Variants in ANKRD46 observed in about 807,000 individuals in gnomAD.
ANKRD46 encodes ankyrin repeat domain-containing protein 46.
ANKRD46 carries 13 observed loss-of-function variants against 19.8 expected under a neutral mutation model. The observed-to-expected ratio is 0.66, with a 90% CI of 0.43 to 1.04. The LOEUF (loss-of-function observed/expected upper bound fraction) is 1.04. Among genes scored for constraint, ANKRD46 ranks in the 50% least tolerant of loss-of-function variants. The pLI, the probability that ANKRD46 is intolerant of heterozygous loss-of-function variation, is 0.00. For missense variants in ANKRD46, 185 were observed against 274.8 expected (o/e 0.67, Z 2.31); for synonymous variants, 91 against 106.9 (o/e 0.85, Z 0.92).
intron 2 of ANKRD46, among the ~76,000 whole-genome samples, chr8:100,531,257 C>T (rs1286623270): frequency 6.6e-6 from 1 of 152,222 alleles, no homozygotes. Context: ...AAAGCTTAGT[C>T]ACATATGGAC....
Position 100,546,743 on chromosome 8 carries a change from A to G in ANKRD46, c.-131+12968T>C, listed in dbSNP as rs1812280573. ...CTTGCACCATGCATCTGGAAAAGCC[A>G]CAAGCATTTAATGCCAGCCCATGAA... On this transcript the variant is annotated intron_variant, in intron 1 of 4. Transcript: ENST00000335659. This position sits in a 1 kb window ranked among gnomAD's most constrained non-coding sequence, Gnocchi z 4.0. 6.6e-6 allele frequency among the ~76,000 whole-genome samples: 1 copy of G among 152,232 alleles called. No individual in the cohort carries two copies. Among genetic ancestry groups the G allele is most frequent in the Non-Finnish European group, 1.5e-5 (1 of 68,044 alleles).
intron 1 of ANKRD46, among the ~76,000 whole-genome samples, chr8:100,539,494 T>C (rs1235770639): frequency 6.6e-6 from 1 of 152,220 alleles, no homozygotes; most frequent in Non-Finnish European, 1.5e-5. Flanking sequence ...ATAACAGAAG[T>C]TCAAATTTTT....
chr8:100,510,382 CT>C lies in ANKRD46; in HGVS notation c.*194del, dbSNP rs1811531216. ...GCCAGGAAGACAGCAGGTGCCCGGG[CT>C]GCCTGCAGGGCAGGACTGGAGAGGA... On this transcript the variant is annotated 3_prime_UTR_variant, in exon 6 of 6. Coordinates refer to the ANKRD46 transcript ENST00000520552. The surrounding 1 kb of genome is among the most constrained non-coding windows in gnomAD (Gnocchi z 4.9). 4.5e-6 allele frequency: 2 copies of C among 445,228 alleles called. No individual in the cohort carries two copies. Among genetic ancestry groups the C allele is most frequent in the African/African-American group, 4.0e-5 (2 of 49,974 alleles). 27.6% of individuals were successfully genotyped at this position (445,228 alleles called of 1,614,324 possible). A position where few individuals can be genotyped will look rare whatever the true frequency, so the allele number is the denominator to read the frequency against.
In ANKRD46 at chr8:100,557,454, G is replaced by A. The variant is rs909921365; in HGVS notation, c.-131+2257C>T. Among the ~76,000 whole-genome samples, 2 of 152,156 alleles carry A rather than the reference G, an allele frequency of 1.3e-5. No homozygotes were observed. The highest frequency in any genetic ancestry group is 4.8e-5 in the African/African-American group (2 of 41,424). ...ACCATTCTCTCTGGCTTCAATTACT[G>A]CATCAACCTAACAGGTCTCCCTGCT... On this transcript the variant is annotated intron_variant, in intron 1 of 4. Transcript: ENST00000335659. The surrounding 1 kb of genome is among the most constrained non-coding windows in gnomAD (Gnocchi z 5.9).
Position 100,544,477 on chromosome 8 carries a change from A to G in ANKRD46, c.-130-11166T>C, listed in dbSNP as rs1348142852. Among the ~76,000 whole-genome samples, 2 of 152,240 alleles carry G rather than the reference A, an allele frequency of 1.3e-5. No individual in the cohort carries two copies. Among genetic ancestry groups the G allele is most frequent in the Non-Finnish European group, 2.9e-5 (2 of 68,048 alleles). On this transcript the variant is annotated intron_variant, in intron 1 of 4. Transcript: ENST00000335659. The surrounding 1 kb of genome is among the most constrained non-coding windows in gnomAD (Gnocchi z 4.4). ...ACTCTAGACAAGGCTGAAGCAAGGAAAAACAATCAAGTGATCTTAAGTGAT... is the reference window on the plus strand; with the variant it reads ...ACTCTAGACAAGGCTGAAGCAAGGAGAAACAATCAAGTGATCTTAAGTGAT...
intron 1 of ANKRD46, chr8:100,551,211 G>A (rs1402387970): frequency 4.4e-6 from 2 of 453,176 alleles, no homozygotes; most frequent in South Asian, 1.9e-5. Context: ...CTTCCACAAT[G>A]CCAAAGTTGT....
chr8:100,522,092 ATC>A lies in ANKRD46; in HGVS notation c.*461_*462del, dbSNP rs1471441981. ...ATTTGAAAAAAGTACTTCAAGTTTT[ATC>A]TCTTATCCCTAGAGAAAGTAAATAA... On this transcript the variant is annotated 3_prime_UTR_variant, in exon 5 of 5. Coordinates refer to ENST00000335659, the MANE Select transcript of ANKRD46 (RefSeq NM_001270377.2). 3.0e-6 allele frequency: 3 copies of A among 987,404 alleles called. No individual in the cohort carries two copies. In the Admixed American group the frequency reaches 1.8e-4, roughly 59 times the overall value. 61.2% of individuals were successfully genotyped at this position (987,404 alleles called of 1,614,324 possible).
At position 100,529,726 on chromosome 8, in the gene ANKRD46, A is replaced by G; in HGVS notation, c.108T>C (p.Phe36=). 2 of 1,614,262 alleles carry G rather than the reference A, an allele frequency of 1.2e-6. No homozygotes were observed. Among genetic ancestry groups the G allele is most frequent in the Non-Finnish European group, 1.7e-6 (2 of 1,180,052 alleles). Residue 36 remains phenylalanine, a synonymous_variant, in exon 3 of 5, where the codon TTT becomes TTC. Coordinates refer to ENST00000335659, the MANE Select transcript of ANKRD46 (RefSeq NM_001270377.2). The surrounding 1 kb of genome is among the most constrained non-coding windows in gnomAD (Gnocchi z 5.8). The part of the protein sequence containing the change: ...NYSKRLLESG[F]DPNIRDSRGR... The stretch of plus-strand genomic sequence containing the variant: ...CCCTGCTGTCACGAATATTTGGGTC[A>G]AAGCCACTTTCCAAAAGCCGCTTGG...
chr8:100,552,305 C>A (rs1359688876), intron 1 of ANKRD46, among the ~76,000 whole-genome samples: 2 of 151,848 alleles, frequency 1.3e-5, no homozygotes, highest in East Asian at 3.8e-4. Context: ...AAAACAGCTA[C>A]AGCCTCACTC....
At position 100,527,037 on chromosome 8, in the gene ANKRD46, A is replaced by C. The variant is rs954609176; in HGVS notation, c.470+808T>G. Among the ~76,000 whole-genome samples the C allele has an allele frequency of 2.0e-5, 3 of 152,134 alleles. No homozygotes were observed. The highest frequency in any genetic ancestry group is 7.2e-5 in the African/African-American group (3 of 41,406). Reference sequence around the variant, plus strand: ...ATGGTGGTCAACCAGATAATATGCTACTAGAACTAAGTCTGGCCTATTAAC... The same window carrying C: ...ATGGTGGTCAACCAGATAATATGCTCCTAGAACTAAGTCTGGCCTATTAAC... On this transcript the variant is annotated intron_variant, in intron 4 of 4. Coordinates refer to ENST00000335659, the MANE Select transcript of ANKRD46 (RefSeq NM_001270377.2). This position sits in a 1 kb window ranked among gnomAD's most constrained non-coding sequence, Gnocchi z 4.0.
intron 1 of ANKRD46, among the ~76,000 whole-genome samples, chr8:100,540,206 A>G (rs892209254): frequency 6.6e-6 from 1 of 151,974 alleles, no homozygotes; most frequent in African/African-American, 2.4e-5. Flanking sequence ...AAAAAAAAAA[A>G]AGTCACTAAG....
intron 3 of ANKRD46, among the ~76,000 whole-genome samples, chr8:100,528,285 C>A (rs1042729920): frequency 1.3e-5 from 2 of 152,164 alleles, no homozygotes; most frequent in East Asian, 3.8e-4. Context: ...TAACCAAACA[C>A]GTCCCCCACC....
intron 1 of ANKRD46, among the ~76,000 whole-genome samples, chr8:100,548,845 C>T (rs2507771): frequency 0.55 from 83,413 of 151,972 alleles, 23,563 homozygotes; most frequent in African/African-American, 0.69. Flanking sequence ...AATCAAATCA[C>T]GTTCATATGA....
intron 5 of ANKRD46, among the ~76,000 whole-genome samples, chr8:100,514,617 C>CTTTTTTTTTTTTTTTTTTTTTTTT: frequency 1.4e-5 from 1 of 74,032 alleles, no homozygotes; most frequent in Non-Finnish European, 2.4e-5. Flanking sequence ...CCTCCATCTT[C>CTTTTTTTTTTTTTTTTTTTTTTTT]TTTTTTTTTT....
chr8:100,522,705 G>A lies in ANKRD46; in HGVS notation c.537C>T (p.Phe179=), dbSNP rs1811751267. Residue 179 remains phenylalanine (F), a synonymous_variant, in exon 5 of 5, where the codon TTC becomes TTT. Transcript: ENST00000335659. ...CCACAAACTCCTGCCACGTGGTTCG[G>A]AAGCTGGAGAGGACTCCTTCACCTT... is the stretch of plus-strand genomic sequence containing the variant. The part of the protein sequence containing the change: ...LQQGEGVLSS[F]RTTWQEFVED... 1 of 1,613,952 alleles carries A rather than the reference G, an allele frequency of 6.2e-7. No individual in the cohort carries two copies. Among genetic ancestry groups the A allele is most frequent in the Non-Finnish European group, 8.5e-7 (1 of 1,180,032 alleles).
At chr8:100,539,348 C>T (rs1812128964) in intron 1 of ANKRD46, among the ~76,000 whole-genome samples, 1 of 152,164 alleles carries the variant, frequency 6.6e-6, no homozygotes, top group South Asian at 2.1e-4. Flanking sequence ...AAAAGAGTTG[C>T]TCTCTTTCTG....
At chr8:100,519,744 C>T (rs1259556374), downstream of ANKRD46, among the ~76,000 whole-genome samples, 1 of 152,142 alleles carries the variant, frequency 6.6e-6, no homozygotes, top group Non-Finnish European at 1.5e-5. Flanking sequence ...CTGCATGCTC[C>T]ACAGGTGAGG....
downstream of ANKRD46, among the ~76,000 whole-genome samples, chr8:100,520,304 G>A (rs1223718646): frequency 6.6e-6 from 1 of 152,144 alleles, no homozygotes; most frequent in Non-Finnish European, 1.5e-5. Context: ...GCGAGGTTCT[G>A]GATAAATATG....
At chr8:100,531,227 T>C (rs1035162069) in intron 2 of ANKRD46, among the ~76,000 whole-genome samples, 4 of 152,244 alleles carry the variant, frequency 2.6e-5, no homozygotes, top group African/African-American at 9.6e-5. Flanking sequence ...TAGAGATGGC[T>C]TTTTTATTCT....
Sources: allele counts gnomAD v4.1 joint callset (sites outside exome capture counted in the v4.1 genomes callset), GRCh38; gene constraint gnomAD v4.1.1; non-coding constraint Gnocchi (gnomAD v3.1); transcripts MANE v1.5; gene names NCBI Gene and HGNC (gene_info 2026-07-23, HGNC 2026-07-21).